The following FIGNL2 variants were observed in gnomAD, a reference collection of about 807,000 sequenced individuals.
FIGNL2 encodes fidgetin like 2, also known as fidgetin-like protein 2.
For synonymous variants in FIGNL2, 565 were observed against 484.0 expected (o/e 1.17, Z -2.20); for missense variants, 1,060 against 950.2 (o/e 1.12, Z -1.52).
intron 1 of FIGNL2, among the ~76,000 whole-genome samples, chr12:51,830,124 A>T (rs1333882980): frequency 6.6e-6 from 1 of 152,068 alleles, no homozygotes; most frequent in Admixed American, 6.6e-5. Flanking sequence ...CTCCATCTCT[A>T]CTAAAAATAC....
At chr12:51,830,522 C>T (rs1939433228) in intron 1 of FIGNL2, among the ~76,000 whole-genome samples, 1 of 133,420 alleles carries the variant, frequency 7.5e-6, no homozygotes, top group Non-Finnish European at 1.6e-5. Flanking sequence ...GATGGAGTCT[C>T]ACACTGTCGC....
At position 51,821,922 on chromosome 12, in the gene FIGNL2, C is replaced by T. The variant is rs1939216431; in HGVS notation, c.492G>A (p.Gly164=). 6.7e-6 allele frequency: 10 copies of T among 1,500,820 alleles called. No individual in the cohort carries two copies. The highest frequency in any genetic ancestry group is 8.9e-6 in the Non-Finnish European group (10 of 1,127,246). 93.0% of individuals were successfully genotyped at this position (1,500,820 alleles called of 1,614,324 possible). Residue 164 remains glycine, a synonymous_variant, in exon 2 of 2, where the codon GGG becomes GGA. Transcript: ENST00000618634. The part of the protein sequence containing the change: ...AAPEYAAGYG[G]GYLAPGYCAQ... Reference sequence around the variant, plus strand: ...CGCAGTAACCCGGCGCCAGGTACCCCCCGCCGTAGCCGGCCGCGTACTCGG... The same window carrying T: ...CGCAGTAACCCGGCGCCAGGTACCCTCCGCCGTAGCCGGCCGCGTACTCGG...
chr12:51,848,624 G>T lies in FIGNL2; in HGVS notation c.-96C>A, dbSNP rs1939802932. The T allele has an allele frequency of 2.6e-6, 2 of 783,978 alleles. No individual in the cohort carries two copies. The highest frequency in any genetic ancestry group is 5.8e-5 in the South Asian group (1 of 17,374). The allele number at this position is 783,978 out of a possible 1,614,324, so 48.6% of individuals were successfully genotyped here. ...GGGACCGGGGCGGCGGCGCGGGCCG[G>T]GGGCGACAGGCCTGGGCTGGGGGGC... On this transcript the variant is annotated 5_prime_UTR_variant, in exon 1 of 2. Transcript: ENST00000618634.
rs1939224116 is a variant in FIGNL2, at chr12:51,822,044, C to T, written c.370G>A (p.Gly124Ser). 3 of 1,607,944 alleles carry T rather than the reference C, an allele frequency of 1.9e-6. No individual in the cohort carries two copies. Among genetic ancestry groups the T allele is most frequent in the African/African-American group, 1.3e-5 (1 of 74,802 alleles). The change falls in exon 2 of 2, where the codon GGC (glycine) becomes AGC (serine). Residue 124 changes from glycine (G) to serine (S), a missense_variant. Gly to Ser is a moderately conservative substitution (Grantham distance 56). Coordinates refer to ENST00000618634, the MANE Select transcript of FIGNL2 (RefSeq NM_001384995.1). ...GLPGTKSGGG[G>S]GSGALGGSPV... ...GAGCCCCCCAGGGCCCCGGAACCGCCGCCACCGCCCGATTTGGTTCCTGGG... is the reference window on the plus strand; with the variant it reads ...GAGCCCCCCAGGGCCCCGGAACCGCTGCCACCGCCCGATTTGGTTCCTGGG...
chr12:51,847,603 G>A (rs890109122), intron 1 of FIGNL2: 4 of 985,006 alleles, frequency 4.1e-6, no homozygotes, highest in African/African-American at 1.8e-5. Flanking sequence ...GGCCGCCGCT[G>A]GGCGCAGGGT....
intron 1 of FIGNL2, among the ~76,000 whole-genome samples, chr12:51,827,830 T>G (rs1939375334): frequency 6.6e-6 from 1 of 152,144 alleles, no homozygotes; most frequent in Non-Finnish European, 1.5e-5. Flanking sequence ...ACGTTTTACA[T>G]CTCTAATGCA....
In FIGNL2 at chr12:51,821,014, G is replaced by A. The variant is rs1414117186; in HGVS notation, c.1400C>T (p.Ala467Val). The change falls in exon 2 of 2, where the codon GCC becomes GTC. Residue 467 changes from alanine to valine, a missense_variant. Transcript: ENST00000618634. The stretch of plus-strand genomic sequence containing the variant: ...GGCCTGGAGGAGGCGCGCGCCCTCG[G>A]CGGCGCCGGGCGCAGCCAGGGTCGC... Reference protein sequence around the residue: ...RGATLAAPGAAEGARLLQAAF... With the variant: ...RGATLAAPGAVEGARLLQAAF... 1.7e-6 allele frequency: 2 copies of A among 1,172,124 alleles called. No individual in the cohort carries two copies. Among genetic ancestry groups the A allele is most frequent in the Non-Finnish European group, 2.1e-6 (2 of 951,766 alleles). The allele number at this position is 1,172,124 out of a possible 1,614,324, so 72.6% of individuals were successfully genotyped here.
chr12:51,823,877 C>T (rs994302100), intron 1 of FIGNL2, among the ~76,000 whole-genome samples: 1 of 152,162 alleles, frequency 6.6e-6, no homozygotes. Context: ...TAGACAATGG[C>T]CTCTGTGAAG....
intron 1 of FIGNL2, among the ~76,000 whole-genome samples, chr12:51,822,638 C>T (rs1386042583): frequency 6.6e-6 from 1 of 152,208 alleles, no homozygotes; most frequent in African/African-American, 2.4e-5. Context: ...ATATTTTCCT[C>T]AGCGCCCAAA....
At position 51,818,401 on chromosome 12, in the gene FIGNL2, C is replaced by G. The variant is rs899285309; in HGVS notation, c.*2051G>C. 3 of 151,382 alleles carry G rather than the reference C, an allele frequency of 2.0e-5. No individual in the cohort carries two copies. Among genetic ancestry groups the G allele is most frequent in the African/African-American group, 7.3e-5 (3 of 41,158 alleles). 9.4% of individuals were successfully genotyped at this position (151,382 alleles called of 1,614,324 possible). The stretch of plus-strand genomic sequence containing the variant: ...ACCCCCACCCCCCAATACATACACA[C>G]CTGAGAGAGAACCCCTCACTCCATG... On this transcript the variant is annotated 3_prime_UTR_variant, in exon 2 of 2. Transcript: ENST00000618634.
chr12:51,840,691 C>T (rs1014253185), intron 1 of FIGNL2, among the ~76,000 whole-genome samples: 4 of 152,196 alleles, frequency 2.6e-5, no homozygotes, highest in African/African-American at 9.7e-5. Context: ...GCCGAGATCA[C>T]ACCATTGTAC....
At chr12:51,830,705 C>A (rs142619487) in intron 1 of FIGNL2, among the ~76,000 whole-genome samples, 1,646 of 152,106 alleles carry the variant, frequency 0.011, 15 homozygotes, top group Middle Eastern at 0.031. Context: ...GTTGGCCAGG[C>A]TGGTCTCAAA....
chr12:51,823,537 C>T (rs890488790), intron 1 of FIGNL2: 2 of 152,210 alleles, frequency 1.3e-5, no homozygotes, highest in Non-Finnish European at 2.9e-5. Context: ...CCTGACACCC[C>T]CTTAGCACCT....
intron 1 of FIGNL2, among the ~76,000 whole-genome samples, chr12:51,841,132 C>A (rs1455083736): frequency 6.6e-6 from 1 of 152,222 alleles, no homozygotes; most frequent in African/African-American, 2.4e-5. Flanking sequence ...GTAACTCCAG[C>A]TATGCAGCCC....
At chr12:51,825,765 C>G (rs931010651) in intron 1 of FIGNL2, 2 of 151,800 alleles carry the variant, frequency 1.3e-5, no homozygotes, top group African/African-American at 4.8e-5. Context: ...TACAGGCGCC[C>G]GCTACCACGC....
chr12:51,821,426 G>A lies in FIGNL2; in HGVS notation c.988C>T (p.Leu330Phe). ...ASGKYGGGVP[L>F]KVLGSPVYGP... The stretch of plus-strand genomic sequence containing the variant: ...TAGACGGGGGAGCCCAGGACCTTGA[G>A]GGGGACGCCGCCACCGTACTTGCCC... The change falls in exon 2 of 2, where the codon CTC (leucine) becomes TTC (phenylalanine). Residue 330 changes from leucine (L) to phenylalanine (F), a missense_variant. Coordinates refer to ENST00000618634, the MANE Select transcript of FIGNL2 (RefSeq NM_001384995.1). The A allele has an allele frequency of 6.5e-7, 1 of 1,538,814 alleles. No homozygotes were observed. The highest frequency in any genetic ancestry group is 1.4e-5 in the African/African-American group (1 of 71,512).
chr12:51,848,268 AGGGGGCTGCGAGACG>A, intron 1 of FIGNL2: 1 of 962,272 alleles, frequency 1.0e-6, no homozygotes, highest in Non-Finnish European at 1.2e-6. Flanking sequence ...CCCGCACCAG[AGGGGGCTGCGAGACG>A]GGTGCCCGTC....
rs1169373729 is a variant in FIGNL2 at position 51,821,540 on chromosome 12, C to A, written c.874G>T (p.Asp292Tyr). 6.4e-7 allele frequency: 1 copy of A among 1,561,110 alleles called. No homozygotes were observed. The highest frequency in any genetic ancestry group is 1.8e-5 in the Admixed American group (1 of 56,876). ...AYEPAKAPVA[D>Y]GASYPAADNG... ...TCCGCGGCGGGGTAGGAGGCTCCGTCAGCCACGGGGGCCTTGGCGGGCTCG... is the reference window on the plus strand; with the variant it reads ...TCCGCGGCGGGGTAGGAGGCTCCGTAAGCCACGGGGGCCTTGGCGGGCTCG... The change falls in exon 2 of 2, where the codon GAC (aspartate) becomes TAC (tyrosine). Residue 292 changes from aspartate (D) to tyrosine (Y), a missense_variant. Transcript: ENST00000618634.
intron 1 of FIGNL2, chr12:51,828,224 A>G (rs972187714): frequency 3.3e-5 from 5 of 152,208 alleles, no homozygotes; most frequent in African/African-American, 1.2e-4. Flanking sequence ...GGGCCATCAG[A>G]TAACCAGACA....
Sources: gnomAD v4.1 joint callset for allele counts (sites outside exome capture counted in the v4.1 genomes callset) on GRCh38, gnomAD v4.1.1 for gene constraint, MANE v1.5 for transcripts, NCBI Gene and HGNC (gene_info 2026-07-23, HGNC 2026-07-21) for gene names.